Variants in GATB observed in about 807,000 individuals in gnomAD.
GATB encodes glutamyl-tRNA(Gln) amidotransferase subunit B, mitochondrial.
Under a neutral mutation model 62.3 loss-of-function variants are expected in GATB, and 39 were observed. The ratio of observed to expected loss-of-function variants is 0.63; its 90% CI spans 0.48 to 0.82. GATB has a LOEUF of 0.82. GATB is among the 40% of genes least tolerant of loss of function. The pLI, the probability that GATB is intolerant of heterozygous loss-of-function variation, is 0.00. For synonymous variants in GATB, 276 were observed against 258.9 expected (o/e 1.07, Z -0.63); for missense variants, 670 against 684.0 (o/e 0.98, Z 0.23).
At chr4:151,706,675 G>GGC (rs34538806) in intron 6 of GATB, among the ~76,000 whole-genome samples, 88,690 of 151,900 alleles carry the variant, frequency 0.58, 28,223 homozygotes, top group African/African-American at 0.86. Context: ...TCTTCATTGA[G>GGC]TGGTTGATTC....
At chr4:151,755,220 C>A (rs1739803590) in intron 2 of GATB, among the ~76,000 whole-genome samples, 1 of 152,124 alleles carries the variant, frequency 6.6e-6, no homozygotes, top group Non-Finnish European at 1.5e-5. Flanking sequence ...GAAACTGATG[C>A]AAAGAAGATT....
chr4:151,751,774 T>A (rs1475873644), intron 2 of GATB, among the ~76,000 whole-genome samples: 2 of 152,246 alleles, frequency 1.3e-5, no homozygotes, highest in African/African-American at 4.8e-5. Flanking sequence ...TTCATTGTTT[T>A]CATGTGCTTC....
chr4:151,678,460 C>CAT (rs1254992269), intron 11 of GATB, among the ~76,000 whole-genome samples: 22 of 147,820 alleles, frequency 1.5e-4, no homozygotes, highest in South Asian at 4.3e-4. Flanking sequence ...TCTCTCTCTA[C>CAT]ATATATATAT....
intron 11 of GATB, among the ~76,000 whole-genome samples, chr4:151,679,350 A>C (rs1053398934): frequency 6.6e-6 from 1 of 152,210 alleles, no homozygotes; most frequent in Admixed American, 6.5e-5. Flanking sequence ...TTATCTACAA[A>C]GTGCAGAGTC....
intron 2 of GATB, among the ~76,000 whole-genome samples, chr4:151,737,386 G>A (rs747198754): frequency 6.6e-6 from 1 of 152,212 alleles, no homozygotes; most frequent in Non-Finnish European, 1.5e-5. Context: ...TCTGACAGAA[G>A]AAATTTCTAA....
chr4:151,699,482 C>T (rs959003560), intron 9 of GATB, among the ~76,000 whole-genome samples: 3 of 151,992 alleles, frequency 2.0e-5, no homozygotes, highest in Non-Finnish European at 2.9e-5. Context: ...CACTCATCTG[C>T]CAGCCCCTAG....
At chr4:151,672,691 G>C in intron 12 of GATB, 71 bp downstream of exon 12, 1 of 1,522,004 alleles carries the variant, frequency 6.6e-7, no homozygotes, top group Non-Finnish European at 8.9e-7. Context: ...GCTGCCACAG[G>C]GAGCGATGGC....
chr4:151,752,537 T>C (rs1171681197), intron 2 of GATB, among the ~76,000 whole-genome samples: 4 of 152,182 alleles, frequency 2.6e-5, no homozygotes, highest in African/African-American at 9.7e-5. Context: ...CTTGACATTA[T>C]TTTCTAACTT....
chr4:151,742,614 G>A (rs1162117204), intron 2 of GATB, among the ~76,000 whole-genome samples: 2 of 152,182 alleles, frequency 1.3e-5, no homozygotes, highest in African/African-American at 4.8e-5. Flanking sequence ...CTCTCAGACA[G>A]GCTTGGGGTC....
At chr4:151,715,899 T>A in intron 5 of GATB, 110 bp downstream of exon 5, 1 of 1,234,080 alleles carries the variant, frequency 8.1e-7, no homozygotes, top group South Asian at 2.2e-5. Flanking sequence ...GGGGAAAAAA[T>A]GGCTGCAAAC....
chr4:151,759,336 C>T (rs922086417), intron 1 of GATB, among the ~76,000 whole-genome samples: 2 of 152,154 alleles, frequency 1.3e-5, no homozygotes, highest in Non-Finnish European at 2.9e-5. Flanking sequence ...ATCTTTCCCA[C>T]ATTATCTAGA....
At chr4:151,753,716 C>T (rs1739766490) in intron 2 of GATB, among the ~76,000 whole-genome samples, 2 of 152,154 alleles carry the variant, frequency 1.3e-5, no homozygotes, top group South Asian at 4.1e-4. Context: ...GAGATCTATC[C>T]TCTTAAACAC....
chr4:151,693,650 A>G (rs1417459832), intron 9 of GATB, among the ~76,000 whole-genome samples: 1 of 152,200 alleles, frequency 6.6e-6, no homozygotes, highest in Non-Finnish European at 1.5e-5. Flanking sequence ...CTAGGGGTCC[A>G]GGGTCCTGTT....
chr4:151,697,916 AC>A (rs1473659025), intron 9 of GATB, among the ~76,000 whole-genome samples: 2 of 133,096 alleles, frequency 1.5e-5, no homozygotes, highest in African/African-American at 6.3e-5. Context: ...AAACAAACAA[AC>A]AAAAATCGAT....
intron 9 of GATB, among the ~76,000 whole-genome samples, chr4:151,697,953 G>GTGTATATATATATATA (rs1186735671): frequency 7.4e-5 from 3 of 40,594 alleles, no homozygotes; most frequent in Non-Finnish European, 1.2e-4. Flanking sequence ...GTGTGTGTGT[G>GTGTATATATATATATA]TATATATATA....
At chr4:151,690,048 T>G (rs1298795330) in intron 9 of GATB, among the ~76,000 whole-genome samples, 1 of 152,228 alleles carries the variant, frequency 6.6e-6, no homozygotes, top group East Asian at 1.9e-4. Flanking sequence ...AAATATTCCT[T>G]TTAAGTTCAC....
At chr4:151,749,086 T>C (rs548751942) in intron 2 of GATB, among the ~76,000 whole-genome samples, 1 of 152,336 alleles carries the variant, frequency 6.6e-6, no homozygotes, top group South Asian at 2.1e-4. Context: ...TCAACCATTG[T>C]GGAAGACAAG....
intron 2 of GATB, among the ~76,000 whole-genome samples, chr4:151,745,131 G>A (rs953221893): frequency 1.3e-5 from 2 of 152,126 alleles, no homozygotes; most frequent in Admixed American, 1.3e-4. Context: ...GAAATGGAAA[G>A]AAATTTCATA....
rs570381612 is a variant in GATB, at chr4:151,687,198, T to G, written c.1331+1432A>C. The G allele has an allele frequency of 2.6e-5, 4 of 152,348 alleles. No individual in the cohort carries two copies. The East Asian group carries it at 5.8e-4, about 22-fold the overall frequency. 9.4% of individuals were successfully genotyped at this position (152,348 alleles called of 1,614,324 possible). Reference sequence around the variant, plus strand: ...ATGAACCAACGAGATAACTCTCAACTGCAAACCTCCCCAAGATCTTATCAG... The same window carrying G: ...ATGAACCAACGAGATAACTCTCAACGGCAAACCTCCCCAAGATCTTATCAG... On this transcript the variant is annotated intron_variant, in intron 10 of 12. Transcript: ENST00000263985.
Sources: allele counts gnomAD v4.1 joint callset (sites outside exome capture counted in the v4.1 genomes callset), GRCh38; gene constraint gnomAD v4.1.1; transcripts MANE v1.5; gene names NCBI Gene and HGNC (gene_info 2026-07-23, HGNC 2026-07-21).